Variants in TKTL1 observed in about 807,000 individuals in gnomAD.
TKTL1 encodes the protein transketolase like 1, also known as transketolase-like protein 1.
In TKTL1, 1 loss-of-function variant was observed where a neutral mutation model predicts 39.3. The ratio of observed to expected loss-of-function variants is 0.03; its 90% CI spans 0.01 to 0.12. The LOEUF (loss-of-function observed/expected upper bound fraction) is 0.12. TKTL1 is among the 10% of genes least tolerant of loss of function. The probability of loss-of-function intolerance (pLI) is 1.00; values close to 1 mark genes in which losing one functional copy is unlikely to be tolerated. For synonymous variants in TKTL1, 262 were observed against 193.8 expected (o/e 1.35, Z -2.92); for missense variants, 575 against 509.6 (o/e 1.13, Z -1.24).
chrX:154,317,213 C>T (rs182650426), intron 7 of TKTL1, among the ~76,000 whole-genome samples: 1 of 112,290 alleles, frequency 8.9e-6, no homozygotes. Flanking sequence ...CTGATATGTT[C>T]TCACAGTTGG....
Position 154,329,574 on chromosome X carries a change from T to G in TKTL1, c.1677T>G (p.His559Gln), listed in dbSNP as rs1557172751. 1 of 1,210,349 alleles carries G rather than the reference T, an allele frequency of 8.3e-7. No individual in the cohort carries two copies. ...CCATGGATCCTGACATTCAGGTTCA[T>G]TCGCTGGCAGTGTCGGGAGTGCCCC... ...AVSMDPDIQV[H>Q]SLAVSGVPQS... Residue 559 changes from histidine (H) to glutamine (Q), a missense_variant, in exon 13 of 13, where the codon CAT (histidine) becomes CAG (glutamine). His to Gln is a conservative substitution (Grantham distance 24). Transcript: ENST00000369915.
chrX:154,327,739 TTC>T, intron 11 of TKTL1, 52 bp downstream of exon 11: 1 of 1,187,604 alleles, frequency 8.4e-7, no homozygotes, highest in Non-Finnish European at 1.1e-6. Flanking sequence ...GAGGTAGGAC[TTC>T]AGCTACCTCC....
Position 154,329,725 on chromosome X carries a change from C to G in TKTL1, c.*37C>G, listed in dbSNP as rs782690810. 1.7e-6 allele frequency: 2 copies of G among 1,184,586 alleles called. No individual in the cohort carries two copies. Among genetic ancestry groups the G allele is most frequent in the East Asian group, 3.0e-5 (1 of 33,443 alleles). ...GCTTTGGTCTTTTGGCCTCTTTACCCTGTGTTTATGTTTGTTCCAAAACCA... is the reference window on the plus strand; with the variant it reads ...GCTTTGGTCTTTTGGCCTCTTTACCGTGTGTTTATGTTTGTTCCAAAACCA... On this transcript the variant is annotated 3_prime_UTR_variant, in exon 13 of 13. Coordinates refer to ENST00000369915, the MANE Select transcript of TKTL1 (RefSeq NM_012253.4).
intron 3 of TKTL1, among the ~76,000 whole-genome samples, chrX:154,310,504 T>C (rs1239535925): frequency 8.9e-6 from 1 of 112,554 alleles, no homozygotes; most frequent in Non-Finnish European, 1.9e-5. Context: ...AATGTGTAAA[T>C]GTTTGGGGAA....
intron 10 of TKTL1, among the ~76,000 whole-genome samples, chrX:154,326,388 G>A (rs1221098720): frequency 8.9e-6 from 1 of 112,402 alleles, no homozygotes; most frequent in Non-Finnish European, 1.9e-5. Flanking sequence ...CTTCCTTCCT[G>A]TCTTTGTTCT....
intron 8 of TKTL1, among the ~76,000 whole-genome samples, chrX:154,322,349 T>C (rs782607863): frequency 4.6e-4 from 50 of 108,511 alleles, no homozygotes; most frequent in African/African-American, 1.6e-3. Flanking sequence ...CTGACCAATA[T>C]GGTGAAACCC....
At chrX:154,300,440 C>T (rs782731739) in intron 1 of TKTL1, among the ~76,000 whole-genome samples, 13 of 112,422 alleles carry the variant, frequency 1.2e-4, no homozygotes, top group Non-Finnish European at 2.4e-4. Flanking sequence ...TCTGTGATGT[C>T]TTTCAGTAGT....
Position 154,295,822 on chromosome X carries a change from G to T in TKTL1, c.-38G>T. On this transcript the variant is annotated 5_prime_UTR_variant, in exon 1 of 13. Transcript: ENST00000369915. Reference sequence around the variant, plus strand: ...CATTCGCTCTTCAGACGCCGGAGACGTAGGAGTGGGTCTTCAGACTCCAAA... The same window carrying T: ...CATTCGCTCTTCAGACGCCGGAGACTTAGGAGTGGGTCTTCAGACTCCAAA... The T allele has an allele frequency of 8.3e-7, 1 of 1,198,651 alleles. No individual in the cohort carries two copies. The highest frequency in any genetic ancestry group is 1.1e-6 in the Non-Finnish European group (1 of 887,926).
At chrX:154,296,524 A>G (rs1158209165) in intron 1 of TKTL1, among the ~76,000 whole-genome samples, 2 of 110,375 alleles carry the variant, frequency 1.8e-5, no homozygotes, top group African/African-American at 3.3e-5. Flanking sequence ...ATAAAAAATG[A>G]GTCGGGCATG....
In TKTL1 at chrX:154,320,771, G is replaced by T; in HGVS notation, c.1044G>T (p.Leu348=). The change falls in exon 8 of 13, where the codon CTG becomes CTT. Residue 348 remains leucine, a synonymous_variant. Transcript: ENST00000369915. ...MAEQNMVSVA[L]GCASRGRTIA... is the part of the protein sequence containing the mutation. ...CTGTGCTGCAGGTGAGCGTGGCTCT[G>T]GGCTGTGCCTCCCGTGGACGGACCA... 1.7e-6 allele frequency: 2 copies of T among 1,211,709 alleles called. No homozygotes were observed. The highest frequency in any genetic ancestry group is 2.2e-6 in the Non-Finnish European group (2 of 895,264).
intron 1 of TKTL1, among the ~76,000 whole-genome samples, chrX:154,297,394 T>G (rs897311919): frequency 3.6e-5 from 4 of 110,761 alleles, no homozygotes; most frequent in African/African-American, 1.3e-4. Flanking sequence ...TAGCTGGGAC[T>G]GCAGGCGCCC....
chrX:154,296,410 C>T (rs1195620139), intron 1 of TKTL1, among the ~76,000 whole-genome samples: 1 of 110,710 alleles, frequency 9.0e-6, no homozygotes, highest in African/African-American at 3.3e-5. Flanking sequence ...ACTGGATCCC[C>T]GAGGGTGAAT....
At chrX:154,321,664 T>C (rs1312604535) in intron 8 of TKTL1, among the ~76,000 whole-genome samples, 2 of 106,773 alleles carry the variant, frequency 1.9e-5, no homozygotes, top group East Asian at 5.9e-4. Context: ...AGAAATGACA[T>C]GGGAAAGATG....
intron 2 of TKTL1, among the ~76,000 whole-genome samples, chrX:154,306,570 T>C (rs1280598397): frequency 8.9e-6 from 1 of 111,770 alleles, no homozygotes; most frequent in Non-Finnish European, 1.9e-5. Context: ...AGGTAAGCAG[T>C]ATACAGGAAG....
Position 154,329,502 on chromosome X carries a change from C to G in TKTL1, c.1619-14C>G. 1 of 1,209,080 alleles carries G rather than the reference C, an allele frequency of 8.3e-7. No homozygotes were observed. The highest frequency in any genetic ancestry group is 1.1e-6 in the Non-Finnish European group (1 of 893,357). The stretch of plus-strand genomic sequence containing the variant: ...CTGCTTTCACAAAAGGGCCTAACAT[C>G]CTTGTTTCCCCAGGTGGCATCGGGG... On this transcript the variant is annotated splice_polypyrimidine_tract_variant and intron_variant, in intron 12 of 12. Transcript: ENST00000369915.
At chrX:154,305,134 C>T in intron 1 of TKTL1, 170 bp from the exon 2 acceptor site, 2 of 1,166,905 alleles carry the variant, frequency 1.7e-6, no homozygotes, top group Middle Eastern at 2.5e-4. Flanking sequence ...GGTGAGCTTA[C>T]CGGGCTTTAA....
At chrX:154,299,155 T>C (rs2067253816) in intron 1 of TKTL1, among the ~76,000 whole-genome samples, 1 of 93,807 alleles carries the variant, frequency 1.1e-5, no homozygotes, top group Non-Finnish European at 2.1e-5. Context: ...CTTTCTTTTT[T>C]TTTTTTTTTT....
intron 1 of TKTL1, 21 bp from the exon 2 acceptor site, chrX:154,305,283 A>G (rs1557166986): frequency 1.7e-6 from 2 of 1,198,583 alleles, no homozygotes; most frequent in African/African-American, 1.8e-5. Context: ...AGAAATGACC[A>G]GTGTCATGTC....
At chrX:154,326,603 G>A (rs999766891) in intron 10 of TKTL1, among the ~76,000 whole-genome samples, 20 of 112,481 alleles carry the variant, frequency 1.8e-4, no homozygotes, top group Non-Finnish European at 5.6e-5. Context: ...GTGCCATAAC[G>A]TAGCTGGAAA....
Sources: gnomAD v4.1 joint callset for allele counts (sites outside exome capture counted in the v4.1 genomes callset) on GRCh38, gnomAD v4.1.1 for gene constraint, MANE v1.5 for transcripts, NCBI Gene and HGNC (gene_info 2026-07-23, HGNC 2026-07-21) for gene names.